Variants in ARL15 observed in about 807,000 individuals in gnomAD.
ARL15 encodes the protein ARF like GTPase 15.
A neutral mutation model predicts 25.2 loss-of-function variants in ARL15; 19 were observed. The observed-to-expected ratio is 0.75, with a 90% CI of 0.53 to 1.10. The LOEUF (loss-of-function observed/expected upper bound fraction) is 1.10. Ranked by LOEUF, ARL15 falls within the 50% of genes least tolerant of loss-of-function variation. The pLI, the probability that ARL15 is intolerant of heterozygous loss-of-function variation, is 0.00. For missense variants in ARL15, 220 were observed against 246.0 expected (o/e 0.89, Z 0.71); for synonymous variants, 94 against 86.8 (o/e 1.08, Z -0.46).
chr5:53,995,763 C>T (rs1004752737), intron 4 of ARL15, among the ~76,000 whole-genome samples: 3 of 152,102 alleles, frequency 2.0e-5, no homozygotes, highest in Non-Finnish European at 4.4e-5. Flanking sequence ...CTGGCCCCTG[C>T]CCACAAAATG....
At chr5:54,087,754 ATATT>A (rs942352549) in intron 4 of ARL15, among the ~76,000 whole-genome samples, 17 of 16,276 alleles carry the variant, frequency 1.0e-3, no homozygotes, top group Non-Finnish European at 3.3e-3. Flanking sequence ...ATATATATAT[ATATT>A]TGAGTCTCTT....
intron 4 of ARL15, among the ~76,000 whole-genome samples, chr5:53,913,255 G>C (rs6891179): frequency 0.051 from 7,720 of 152,210 alleles, 670 homozygotes; most frequent in African/African-American, 0.18. Context: ...GTGAGCCAAG[G>C]CTGCACCACT....
At chr5:54,085,588 T>C (rs993732686) in intron 4 of ARL15, among the ~76,000 whole-genome samples, 1 of 152,194 alleles carries the variant, frequency 6.6e-6, no homozygotes, top group African/African-American at 2.4e-5. Context: ...CAAATATTTT[T>C]ATTAGTATTG....
chr5:53,907,311 A>G (rs1277391362), intron 4 of ARL15, among the ~76,000 whole-genome samples: 1 of 151,358 alleles, frequency 6.6e-6, no homozygotes, highest in Non-Finnish European at 1.5e-5. Flanking sequence ...TATATGACAC[A>G]TATCTATAGT....
In ARL15 at chr5:53,957,148, T is replaced by C. The variant is rs545406147; in HGVS notation, c.463-70435A>G. On this transcript the variant is annotated intron_variant, in intron 4 of 4. Transcript: ENST00000504924. ...ATGCAAAGAGATCTGCACCAAAACA[T>C]CTAATAATCAAATTATTGAAAGCCA... 4.6e-5 allele frequency among the ~76,000 whole-genome samples: 7 copies of C among 152,178 alleles called. No individual in the cohort carries two copies. In the East Asian group the frequency reaches 1.4e-3, roughly 29 times the overall value.
chr5:54,157,384 T>A (rs1754269206), intron 2 of ARL15, among the ~76,000 whole-genome samples: 1 of 152,206 alleles, frequency 6.6e-6, no homozygotes, highest in Admixed American at 6.5e-5. Context: ...AAGTTCACAC[T>A]AAGCAAAGTA....
chr5:54,017,271 C>T (rs1335913860), intron 4 of ARL15, among the ~76,000 whole-genome samples: 1 of 152,070 alleles, frequency 6.6e-6, no homozygotes, highest in Non-Finnish European at 1.5e-5. Context: ...ACATGTGCAC[C>T]CTGGCCAGTC....
chr5:54,084,424 C>A (rs376728602), intron 4 of ARL15, among the ~76,000 whole-genome samples: 1,311 of 129,288 alleles, frequency 0.01, no homozygotes, highest in Non-Finnish European at 0.012. Flanking sequence ...ACTGACTCTT[C>A]AAAAAAAAAA....
At chr5:54,096,340 G>T (rs1454197170) in intron 4 of ARL15, among the ~76,000 whole-genome samples, 1 of 152,168 alleles carries the variant, frequency 6.6e-6, no homozygotes, top group Non-Finnish European at 1.5e-5. Context: ...CACACAATAA[G>T]TGTGCAAAAA....
chr5:54,232,548 C>T (rs1191466773), intron 1 of ARL15, among the ~76,000 whole-genome samples: 2 of 152,030 alleles, frequency 1.3e-5, no homozygotes, highest in Non-Finnish European at 2.9e-5. Flanking sequence ...AAAGCAGAGC[C>T]TTATGCTGCA....
At chr5:53,991,673 A>G (rs1372707162) in intron 4 of ARL15, among the ~76,000 whole-genome samples, 1 of 152,030 alleles carries the variant, frequency 6.6e-6, no homozygotes, top group African/African-American at 2.4e-5. Flanking sequence ...TATTCACAAA[A>G]TCTTCTATAG....
chr5:54,255,615 G>T (rs966214242), intron 1 of ARL15, among the ~76,000 whole-genome samples: 1 of 152,104 alleles, frequency 6.6e-6, no homozygotes, highest in Admixed American at 6.6e-5. Context: ...AATCTGAAAC[G>T]CTCCAAAATC....
chr5:53,893,088 T>A (rs1195555425), intron 4 of ARL15, among the ~76,000 whole-genome samples: 1 of 152,182 alleles, frequency 6.6e-6, no homozygotes, highest in East Asian at 1.9e-4. Context: ...AGACCTATTG[T>A]GTGAACGTGT....
intron 4 of ARL15, among the ~76,000 whole-genome samples, chr5:54,024,090 T>C (rs1374122669): frequency 6.6e-6 from 1 of 152,234 alleles, no homozygotes; most frequent in African/African-American, 2.4e-5. Context: ...AATAAATTTG[T>C]ATGCCTTTTC....
intron 1 of ARL15, among the ~76,000 whole-genome samples, chr5:54,197,276 A>G (rs1389977390): frequency 2.0e-5 from 3 of 152,152 alleles, no homozygotes; most frequent in Non-Finnish European, 4.4e-5. Flanking sequence ...TCTCCAGGTA[A>G]TGAGAAATAT....
intron 4 of ARL15, among the ~76,000 whole-genome samples, chr5:54,033,758 T>C (rs1750075304): frequency 6.6e-6 from 1 of 152,112 alleles, no homozygotes; most frequent in Non-Finnish European, 1.5e-5. Flanking sequence ...GAAATAATAG[T>C]TTGAAATGGC....
At chr5:54,186,493 C>T (rs1387816374) in intron 1 of ARL15, among the ~76,000 whole-genome samples, 1 of 152,176 alleles carries the variant, frequency 6.6e-6, no homozygotes, top group Non-Finnish European at 1.5e-5. Context: ...TTTCTGACTA[C>T]TGTCAAACTT....
At chr5:53,922,382 G>A (rs1745883577) in intron 4 of ARL15, among the ~76,000 whole-genome samples, 1 of 152,180 alleles carries the variant, frequency 6.6e-6, no homozygotes, top group Non-Finnish European at 1.5e-5. Flanking sequence ...AGTTCATTTA[G>A]TCTTTGAATG....
intron 4 of ARL15, among the ~76,000 whole-genome samples, chr5:53,894,046 C>T (rs934394091): frequency 6.6e-6 from 1 of 152,212 alleles, no homozygotes; most frequent in Non-Finnish European, 1.5e-5. Flanking sequence ...TCACTTTTTA[C>T]TGAGTGCTTA....
Sources: allele counts gnomAD v4.1 joint callset (sites outside exome capture counted in the v4.1 genomes callset), GRCh38; gene constraint gnomAD v4.1.1; transcripts MANE v1.5; gene names NCBI Gene and HGNC (gene_info 2026-07-23, HGNC 2026-07-21).